The following XKR3 variants were observed in gnomAD, a reference collection of about 807,000 sequenced individuals.
The protein encoded by XKR3 is XK-related protein 3.
A neutral mutation model predicts 40.3 loss-of-function variants in XKR3; 27 were observed. That is an observed-to-expected ratio of 0.67 (90% CI 0.49 to 0.92). XKR3 has a LOEUF of 0.92. Ranked by LOEUF, XKR3 falls within the 40% of genes least tolerant of loss-of-function variation. The pLI is 0.00. For synonymous variants in XKR3, 193 were observed against 195.4 expected, an observed-to-expected ratio of 0.99 and a Z score of 0.10; for missense variants, 472 against 537.6, an observed-to-expected ratio of 0.88 and a Z score of 1.21.
rs777584785 is a variant in XKR3 at position 16,784,098 on chromosome 22, C to T, written c.901G>A (p.Val301Met). 28 of 1,614,070 alleles carry T rather than the reference C, an allele frequency of 1.7e-5. No homozygotes were observed. In the Admixed American group the frequency reaches 2.5e-4, roughly 14 times the overall value. ...AAGAAAAGCATCAGTACTGTACCCA[C>T]CATATTGGAATTATTTTCTTTGTTG... is the stretch of plus-strand genomic sequence containing the variant. ...PGNKENNSNM[V>M]GTVLMLFLIT... The change falls in exon 4 of 4, where the codon GTG becomes ATG. Residue 301 changes from valine to methionine, a missense_variant. Physicochemically the swap from Val to Met is conservative, Grantham distance 21. Transcript: ENST00000684488.
Position 16,785,807 on chromosome 22 carries a change from C to T in XKR3, c.590-1398G>A, listed in dbSNP as rs1306528716. ...AGGTTGCAGTGAACCAGGATAGCGC[C>T]ACTGGACTCCAGCCTGGGCGACAGA... On this transcript the variant is annotated intron_variant, in intron 3 of 3. Coordinates refer to ENST00000684488, the MANE Select transcript of XKR3 (RefSeq NM_001386955.1). Among the ~76,000 whole-genome samples the T allele has an allele frequency of 3.3e-5, 5 of 152,064 alleles. No individual in the cohort carries two copies. The East Asian group carries it at 9.7e-4, about 29-fold the overall frequency.
At position 16,783,524 on chromosome 22, in the gene XKR3, G is replaced by T. The variant is rs1228411996; in HGVS notation, c.*95C>A. On this transcript the variant is annotated 3_prime_UTR_variant, in exon 4 of 4. Coordinates refer to ENST00000684488, the MANE Select transcript of XKR3 (RefSeq NM_001386955.1). ...GAATTTTATTAGAAACCACTTCCAA[G>T]ATTTTGCTGTGTATATTTTTTAAAT... The T allele has an allele frequency of 9.8e-7, 1 of 1,015,284 alleles. No individual in the cohort carries two copies. The highest frequency in any genetic ancestry group is 1.4e-6 in the Non-Finnish European group (1 of 738,666). The allele number at this position is 1,015,284 out of a possible 1,614,324, so 62.9% of individuals were successfully genotyped here.
At chr22:16,814,729 A>G (rs1204401634) in intron 1 of XKR3, among the ~76,000 whole-genome samples, 5 of 152,054 alleles carry the variant, frequency 3.3e-5, no homozygotes, top group Admixed American at 6.6e-5. Context: ...ATCTTTGTGA[A>G]ATGTTTTTCT....
At position 16,825,308 on chromosome 22, in the gene XKR3, C is replaced by G. The variant is rs1230670809; in HGVS notation, c.-28G>C. On this transcript the variant is annotated 5_prime_UTR_variant, in exon 1 of 4. Transcript: ENST00000684488. The stretch of plus-strand genomic sequence containing the variant: ...CTACTTACCTTGCCTATTTGCCACC[C>G]TCACAGTTTTGAAACTCGTTCAAAA... Among the ~76,000 whole-genome samples, 4 of 152,306 alleles carry G rather than the reference C, an allele frequency of 2.6e-5. No individual in the cohort carries two copies. The highest frequency in any genetic ancestry group is 7.2e-5 in the African/African-American group (3 of 41,550).
Position 16,784,200 on chromosome 22 carries a change from C to G in XKR3, c.799G>C (p.Val267Leu), listed in dbSNP as rs199901853. The G allele has an allele frequency of 1.9e-4, 312 of 1,614,164 alleles. 1 individual carries two copies. In the African/African-American group the frequency reaches 3.6e-3, roughly 19 times the overall value. ...IASLKLKSLP[V>L]LLIIYFVSLL... ...GATACAAAATATATGATTAACAAAA[C>G]GGGTAGGCTCTTCAGTTTCAGAGAT... Residue 267 changes from valine (V) to leucine (L), a missense_variant, in exon 4 of 4, where the codon GTT becomes CTT. Physicochemically the swap from Val to Leu is conservative, Grantham distance 32. Transcript: ENST00000684488.
At chr22:16,819,688 AC>A (rs1292377586) in intron 1 of XKR3, among the ~76,000 whole-genome samples, 4 of 152,098 alleles carry the variant, frequency 2.6e-5, no homozygotes, top group Non-Finnish European at 1.5e-5. Context: ...AGAAAATTCA[AC>A]CCTCTTAGGC....
intron 1 of XKR3, among the ~76,000 whole-genome samples, chr22:16,823,411 A>C (rs1351955404): frequency 6.6e-6 from 1 of 152,174 alleles, no homozygotes; most frequent in Non-Finnish European, 1.5e-5. Context: ...AATTGACAGG[A>C]CTCACTGATT....
At chr22:16,788,445 C>T (rs2060100340) in intron 3 of XKR3, among the ~76,000 whole-genome samples, 1 of 152,014 alleles carries the variant, frequency 6.6e-6, no homozygotes, top group South Asian at 2.1e-4. Flanking sequence ...GATGTCATAA[C>T]TGACACCCAG....
intron 1 of XKR3, among the ~76,000 whole-genome samples, chr22:16,820,999 G>A (rs1177834818): frequency 6.6e-6 from 1 of 151,902 alleles, no homozygotes; most frequent in African/African-American, 2.4e-5. Flanking sequence ...AAACAATTAT[G>A]ACTAAGACAA....
rs1307769669 is a variant in XKR3 at position 16,797,426 on chromosome 22, A to C, written c.589+2345T>G. On this transcript the variant is annotated intron_variant, in intron 3 of 3. Coordinates refer to ENST00000684488, the MANE Select transcript of XKR3 (RefSeq NM_001386955.1). The stretch of plus-strand genomic sequence containing the variant: ...GAAGATATTTGCAAACGATGCATCC[A>C]GCAAAGGCTTAAGATCCAGAATCTA... Among the ~76,000 whole-genome samples, 6 of 152,236 alleles carry C rather than the reference A, an allele frequency of 3.9e-5. No individual in the cohort carries two copies. In the East Asian group the frequency reaches 5.8e-4, roughly 15 times the overall value.
chr22:16,802,281 C>T (rs1459988425), intron 2 of XKR3, among the ~76,000 whole-genome samples: 1 of 152,094 alleles, frequency 6.6e-6, no homozygotes, highest in Non-Finnish European at 1.5e-5. Context: ...TCTCCCATCC[C>T]TTGTCTTTCA....
chr22:16,799,734 C>A (rs748539508), intron 3 of XKR3, 37 bp downstream of exon 3: 1 of 1,608,374 alleles, frequency 6.2e-7, no homozygotes, highest in Admixed American at 1.7e-5. Flanking sequence ...CTTTATTGAC[C>A]TTTGTGTGTC....
At chr22:16,813,545 C>T (rs1044774819) in intron 1 of XKR3, among the ~76,000 whole-genome samples, 28 of 152,106 alleles carry the variant, frequency 1.8e-4, no homozygotes, top group Middle Eastern at 6.8e-3. Flanking sequence ...GGATTTGCAC[C>T]AATTATATCA....
At position 16,784,326 on chromosome 22, in the gene XKR3, C is replaced by G. The variant is rs755244186; in HGVS notation, c.673G>C (p.Asp225His). The change falls in exon 4 of 4, where the codon GAT becomes CAT. Residue 225 changes from aspartate (D) to histidine (H), a missense_variant. Coordinates refer to ENST00000684488, the MANE Select transcript of XKR3 (RefSeq NM_001386955.1). ...ATCGGCGGTAGCTTAATGGTAGTAT[C>G]ATCATTGCTGATCTGGATGGCCAGT... is the stretch of plus-strand genomic sequence containing the variant. The part of the protein sequence containing the change: ...NILAIQISND[D>H]TTIKLPPIEF... 6.2e-7 allele frequency: 1 copy of G among 1,614,154 alleles called. No individual in the cohort carries two copies. Among genetic ancestry groups the G allele is most frequent in the Non-Finnish European group, 8.5e-7 (1 of 1,180,020 alleles).
chr22:16,794,798 A>C (rs1320646199), intron 3 of XKR3, among the ~76,000 whole-genome samples: 1 of 152,172 alleles, frequency 6.6e-6, no homozygotes, highest in Non-Finnish European at 1.5e-5. Flanking sequence ...TCTCACATCC[A>C]ATGACACCTG....
At chr22:16,799,068 T>G (rs2060154957) in intron 3 of XKR3, among the ~76,000 whole-genome samples, 1 of 152,136 alleles carries the variant, frequency 6.6e-6, no homozygotes. Flanking sequence ...TTATACAATT[T>G]TATAGTCTTA....
intron 3 of XKR3, among the ~76,000 whole-genome samples, chr22:16,799,175 A>G (rs945609149): frequency 6.6e-6 from 1 of 151,988 alleles, no homozygotes; most frequent in Non-Finnish European, 1.5e-5. Context: ...GTACTTTGGG[A>G]GGCCAAGGCA....
rs546490876 is a variant in XKR3, at chr22:16,818,708, C to A, written c.-11+6583G>T. Among the ~76,000 whole-genome samples the A allele has an allele frequency of 6.6e-5, 10 of 152,200 alleles. No individual in the cohort carries two copies. In the South Asian group the frequency reaches 2.1e-3, roughly 32 times the overall value. On this transcript the variant is annotated intron_variant, in intron 1 of 3. Transcript: ENST00000684488. ...GAGGAGGCAGCTAATCTTCTATTTC[C>A]CAACCAGCTAAAACAGAGGACAGCA...
intron 3 of XKR3, among the ~76,000 whole-genome samples, chr22:16,795,989 C>T (rs1359867132): frequency 3.3e-5 from 5 of 151,774 alleles, no homozygotes; most frequent in African/African-American, 1.2e-4. Flanking sequence ...ACCAGAAAAT[C>T]CAAAGAAGCA....
Sources: allele counts gnomAD v4.1 joint callset (sites outside exome capture counted in the v4.1 genomes callset), GRCh38; gene constraint gnomAD v4.1.1; transcripts MANE v1.5; gene names NCBI Gene and HGNC (gene_info 2026-07-23, HGNC 2026-07-21).